The following ERI1 variants were observed in gnomAD, a reference collection of about 807,000 sequenced individuals.
The protein encoded by ERI1 is 3'-5' exoribonuclease 1.
In ERI1, 39 loss-of-function variants were observed where a neutral mutation model predicts 39.7. That is an observed-to-expected ratio of 0.98 (90% CI 0.76 to 1.28). The LOEUF (loss-of-function observed/expected upper bound fraction) is 1.28. Among genes scored for constraint, ERI1 ranks in the 50% most tolerant of loss-of-function variants. The pLI is 0.00. For synonymous variants in ERI1, 204 were observed against 149.6 expected, an observed-to-expected ratio of 1.36 and a Z score of -2.65; for missense variants, 581 against 416.9, an observed-to-expected ratio of 1.39 and a Z score of -3.43.
At chr8:9,035,762 T>G (rs2117331172), downstream of ERI1, among the ~76,000 whole-genome samples, 1 of 152,360 alleles carries the variant, frequency 6.6e-6, no homozygotes, top group African/African-American at 2.4e-5. Context: ...AGGCTGTAGT[T>G]AGCATAGGTA....
intron 3 of ERI1, among the ~76,000 whole-genome samples, chr8:9,067,394 G>GTGTA (rs1798913058): frequency 6.7e-6 from 1 of 148,738 alleles, no homozygotes; most frequent in Non-Finnish European, 1.5e-5. Flanking sequence ...GTGTGTGTGT[G>GTGTA]TGTGTGTGTG....
chr8:9,076,756 C>A (rs1250960899), intron 3 of ERI1, among the ~76,000 whole-genome samples: 2 of 152,200 alleles, frequency 1.3e-5, no homozygotes, highest in Non-Finnish European at 2.9e-5. Context: ...GAAGAGAAAT[C>A]TGAATGAGGA....
At chr8:9,019,061 G>C (rs903979061) in intron 5 of ERI1, among the ~76,000 whole-genome samples, 1 of 152,160 alleles carries the variant, frequency 6.6e-6, no homozygotes, top group Non-Finnish European at 1.5e-5. Context: ...TTCAGAGAAG[G>C]ACTTTTGCTG....
rs568300877 is a variant in ERI1, at chr8:9,092,009, T to G, written n.300-24339T>G. ...TCTCACTCTGTCACCCAGGCTGGAG[T>G]GCAGTGGTGCAATCTCGGCTCACTG... On this transcript the variant is annotated intron_variant and non_coding_transcript_variant, in intron 3 of 3. Coordinates refer to the ERI1 transcript ENST00000518663. Among the ~76,000 whole-genome samples the G allele has an allele frequency of 5.9e-5, 9 of 152,294 alleles. No individual in the cohort carries two copies. The East Asian group carries it at 1.7e-3, about 29-fold the overall frequency.
chr8:9,014,518 A>G (rs1817023333), intron 3 of ERI1, among the ~76,000 whole-genome samples: 1 of 152,152 alleles, frequency 6.6e-6, no homozygotes, highest in African/African-American at 2.4e-5. Context: ...AATAACCCTT[A>G]CTACCTTTTA....
intron 3 of ERI1, among the ~76,000 whole-genome samples, chr8:9,085,214 T>C (rs1337438658): frequency 2.0e-5 from 3 of 152,100 alleles, no homozygotes; most frequent in Non-Finnish European, 4.4e-5. Context: ...TTTGTTGCTG[T>C]TGTTGTTGTT....
chr8:9,094,025 C>T (rs1799793758), intron 3 of ERI1, among the ~76,000 whole-genome samples: 1 of 152,164 alleles, frequency 6.6e-6, no homozygotes, highest in Non-Finnish European at 1.5e-5. Context: ...GTACCCTATA[C>T]ACCAATCAGC....
At position 9,030,062 on chromosome 8, in the gene ERI1, A is replaced by T. The variant is rs369845379; in HGVS notation, c.*28A>T. 8 of 1,607,958 alleles carry T rather than the reference A, an allele frequency of 5.0e-6. No individual in the cohort carries two copies. The African/African-American group carries it at 1.1e-4, about 22-fold the overall frequency. ...ACAGTTTTGTGTGTGGATCATTCCA[A>T]TTGAAGTTGCTATGAAGAGGTAGCA... On this transcript the variant is annotated 3_prime_UTR_variant, in exon 7 of 7. Coordinates refer to ENST00000250263, the MANE Select transcript of ERI1 (RefSeq NM_153332.4).
At chr8:9,036,525 A>T (rs1797849624), downstream of ERI1, among the ~76,000 whole-genome samples, 1 of 152,212 alleles carries the variant, frequency 6.6e-6, no homozygotes, top group Non-Finnish European at 1.5e-5. Context: ...CACTTCATAG[A>T]CTATTGTTTA....
rs752920657 is a variant in ERI1 at position 9,016,370 on chromosome 8, T to A, written c.547T>A (p.Ser183Thr). 2 of 1,608,246 alleles carry A rather than the reference T, an allele frequency of 1.2e-6. No individual in the cohort carries two copies. Among genetic ancestry groups the A allele is most frequent in the Non-Finnish European group, 1.7e-6 (2 of 1,176,884 alleles). ...YVRPEINTQL[S>T]DFCISLTGIT... is the part of the protein sequence containing the mutation. ...AAGACCAGAGATTAACACACAGCTG[T>A]CTGATTTCTGCATCAGTCTAACTGG... Residue 183 changes from serine to threonine, a missense_variant, in exon 4 of 7, where the codon TCT becomes ACT. Physicochemically the swap from Ser to Thr is moderately conservative, Grantham distance 58. Coordinates refer to ENST00000250263, the MANE Select transcript of ERI1 (RefSeq NM_153332.4).
At chr8:9,060,313 C>G (rs1336289405) in intron 3 of ERI1, among the ~76,000 whole-genome samples, 1 of 152,090 alleles carries the variant, frequency 6.6e-6, no homozygotes, top group Non-Finnish European at 1.5e-5. Flanking sequence ...AGACCTCTAC[C>G]CATCCAGTGA....
intron 3 of ERI1, among the ~76,000 whole-genome samples, chr8:9,039,900 A>AT (rs1214027447): frequency 6.6e-6 from 1 of 152,142 alleles, no homozygotes; most frequent in Admixed American, 6.5e-5. Flanking sequence ...AGTTTTTTTC[A>AT]TTTTTTGTGA....
At chr8:9,026,348 G>C (rs1797154594) in intron 6 of ERI1, among the ~76,000 whole-genome samples, 1 of 152,072 alleles carries the variant, frequency 6.6e-6, no homozygotes, top group African/African-American at 2.4e-5. Context: ...TCATTCTCCA[G>C]AACTCTCATA....
intron 3 of ERI1, among the ~76,000 whole-genome samples, chr8:9,048,282 T>C (rs1798242788): frequency 6.6e-6 from 1 of 151,900 alleles, no homozygotes. Context: ...ATTTGTTTTT[T>C]TTAAGACTGA....
intron 3 of ERI1, among the ~76,000 whole-genome samples, chr8:9,086,536 A>T (rs1799532166): frequency 6.6e-6 from 1 of 152,198 alleles, no homozygotes; most frequent in Non-Finnish European, 1.5e-5. Context: ...GGTCACAGTG[A>T]TACCGTCTCA....
intron 3 of ERI1, among the ~76,000 whole-genome samples, chr8:9,042,908 G>C (rs1245834649): frequency 6.6e-6 from 1 of 152,192 alleles, no homozygotes; most frequent in Non-Finnish European, 1.5e-5. Context: ...GCTTCAGTCA[G>C]TTACCCTGCA....
chr8:9,021,303 A>G (rs888174965), intron 6 of ERI1, among the ~76,000 whole-genome samples: 1 of 152,122 alleles, frequency 6.6e-6, no homozygotes, highest in Non-Finnish European at 1.5e-5. Flanking sequence ...TCCCTTGCAG[A>G]CTATCTTCCT....
rs1048276083 is a variant in ERI1, at chr8:9,033,237, C to G, written c.*3203C>G. On this transcript the variant is annotated 3_prime_UTR_variant, in exon 7 of 7. Transcript: ENST00000250263. ...TGCCTATTTTTGTATGGCCTACAAA[C>G]TATGGTTTTTATATTCCCTTTTGTT... 6.6e-6 allele frequency: 1 copy of G among 152,130 alleles called. No individual in the cohort carries two copies. The highest frequency in any genetic ancestry group is 1.5e-5 in the Non-Finnish European group (1 of 68,024). The allele number at this position is 152,130 out of a possible 1,614,324, so 9.4% of individuals were successfully genotyped here.
intron 6 of ERI1, among the ~76,000 whole-genome samples, chr8:9,027,341 A>C (rs1797248565): frequency 6.6e-6 from 1 of 152,068 alleles, no homozygotes; most frequent in Non-Finnish European, 1.5e-5. Flanking sequence ...TTACTAAATG[A>C]GGTATCATGA....
Sources: gnomAD v4.1 joint callset for allele counts (sites outside exome capture counted in the v4.1 genomes callset) on GRCh38, gnomAD v4.1.1 for gene constraint, MANE v1.5 for transcripts, NCBI Gene and HGNC (gene_info 2026-07-23, HGNC 2026-07-21) for gene names.